RTN1: variants seen among roughly 807,000 people sequenced by gnomAD.
RTN1 encodes reticulon-1.
RTN1 carries 25 observed loss-of-function variants against 65.5 expected under a neutral mutation model. The observed-to-expected ratio is 0.38, with a 90% CI of 0.28 to 0.53. RTN1 has a LOEUF of 0.53. RTN1 is among the 20% of genes least tolerant of loss of function. The pLI is 0.79. For synonymous variants in RTN1, 471 were observed against 447.6 expected, an observed-to-expected ratio of 1.05 and a Z score of -0.66; for missense variants, 983 against 1,025.4, an observed-to-expected ratio of 0.96 and a Z score of 0.57.
intron 3 of RTN1, among the ~76,000 whole-genome samples, chr14:59,647,962 A>C (rs1882935828): frequency 6.6e-6 from 1 of 152,174 alleles, no homozygotes; most frequent in Admixed American, 6.5e-5. Context: ...GAAGGAGATC[A>C]AGACATTAAA....
At chr14:59,736,876 CAT>C (rs34601949) in intron 2 of RTN1, among the ~76,000 whole-genome samples, 60,180 of 151,900 alleles carry the variant, frequency 0.4, 12,228 homozygotes, top group African/African-American at 0.47. Context: ...CAAATCAAAA[CAT>C]GTGATTAATC....
chr14:59,607,657 AT>A (rs1881806098), intron 3 of RTN1, 165 bp from the exon 4 acceptor site: 1 of 630,958 alleles, frequency 1.6e-6, no homozygotes, highest in Non-Finnish European at 2.8e-6. Context: ...ACTTACTGTC[AT>A]TCCACTTTGG....
intron 3 of RTN1, among the ~76,000 whole-genome samples, chr14:59,675,980 T>A (rs961035744): frequency 6.6e-6 from 1 of 152,148 alleles, no homozygotes; most frequent in Non-Finnish European, 1.5e-5. Flanking sequence ...CACTCCCCAT[T>A]TAATGCTGTG....
At chr14:59,807,166 T>C (rs1400678928) in intron 1 of RTN1, among the ~76,000 whole-genome samples, 2 of 152,318 alleles carry the variant, frequency 1.3e-5, no homozygotes, top group East Asian at 3.9e-4. Context: ...ATTAGAGGGC[T>C]TTCTAGGAAG....
At chr14:59,858,727 T>C (rs894490114) in intron 1 of RTN1, among the ~76,000 whole-genome samples, 1 of 152,148 alleles carries the variant, frequency 6.6e-6, no homozygotes, top group Non-Finnish European at 1.5e-5. Flanking sequence ...AGTTTTCCAA[T>C]GAATAATCTT....
At chr14:59,826,766 T>C (rs10137962) in intron 1 of RTN1, among the ~76,000 whole-genome samples, 3,643 of 152,290 alleles carry the variant, frequency 0.024, 116 homozygotes, top group African/African-American at 0.073. Flanking sequence ...CCAGGCTCTA[T>C]ATCAGTCTCT....
chr14:59,676,876 G>A (rs988478515), intron 3 of RTN1, among the ~76,000 whole-genome samples: 1 of 152,182 alleles, frequency 6.6e-6, no homozygotes, highest in Non-Finnish European at 1.5e-5. Flanking sequence ...GAAAAGTGAT[G>A]AGGCTTAGAT....
At position 59,749,117 on chromosome 14, in the gene RTN1, T is replaced by TAG. The variant is rs1278474315; in HGVS notation, c.242-2637_242-2636insCT. ...ATATATATATCTATATATATATATATATATATAGATATATCTATATCTATC... is the reference window on the plus strand; with the variant it reads ...ATATATATATCTATATATATATATATAGATATATAGATATATCTATATCTATC... On this transcript the variant is annotated intron_variant, in intron 1 of 8. Coordinates refer to ENST00000267484, the MANE Select transcript of RTN1 (RefSeq NM_021136.3). Among the ~76,000 whole-genome samples the TAG allele has an allele frequency of 1.3e-4, 6 of 46,726 alleles. 1 individual carries two copies. The highest frequency in any genetic ancestry group is 2.0e-4 in the Non-Finnish European group (6 of 29,478). 30.7% of individuals were successfully genotyped at this position (46,726 alleles called of 152,430 possible).
chr14:59,820,356 GTTTTT>G (rs34274539), intron 1 of RTN1, among the ~76,000 whole-genome samples: 1,997 of 79,326 alleles, frequency 0.025, 42 homozygotes, highest in African/African-American at 0.079. Context: ...CTTATTGATA[GTTTTT>G]TTTTTTTTTT....
intron 3 of RTN1, among the ~76,000 whole-genome samples, chr14:59,646,281 C>T (rs917605687): frequency 6.6e-6 from 1 of 152,042 alleles, no homozygotes; most frequent in Admixed American, 6.5e-5. Context: ...TGAAAAGGAA[C>T]AAATAAAACC....
intron 5 of RTN1, chr14:59,604,437 T>C (rs997820399): frequency 6.5e-6 from 1 of 153,238 alleles, no homozygotes. Context: ...ACCATCTGTC[T>C]CTTTACGGAC....
intron 1 of RTN1, among the ~76,000 whole-genome samples, chr14:59,779,737 G>T (rs1013096653): frequency 8.5e-5 from 13 of 152,066 alleles, no homozygotes; most frequent in African/African-American, 2.7e-4. Flanking sequence ...CTCTTTTAGA[G>T]AACTTACTGC....
At chr14:59,824,246 A>G (rs1009505648) in intron 1 of RTN1, among the ~76,000 whole-genome samples, 34 of 152,342 alleles carry the variant, frequency 2.2e-4, no homozygotes, top group African/African-American at 7.9e-4. Context: ...ATTCTAATAA[A>G]CATAAACTTG....
At chr14:59,684,568 A>T (rs1883807617) in intron 3 of RTN1, among the ~76,000 whole-genome samples, 1 of 152,118 alleles carries the variant, frequency 6.6e-6, no homozygotes, top group Non-Finnish European at 1.5e-5. Context: ...GTAGGCATTA[A>T]GATTCAATAA....
At position 59,616,592 on chromosome 14, in the gene RTN1, T is replaced by G. The variant is rs2140172771; in HGVS notation, c.1766-9100A>C. 1.3e-5 allele frequency among the ~76,000 whole-genome samples: 2 copies of G among 152,330 alleles called. 1 individual carries two copies. The highest frequency in any genetic ancestry group is 4.1e-4 in the South Asian group (2 of 4,830). On this transcript the variant is annotated intron_variant, in intron 3 of 8. Transcript: ENST00000267484. ...AAACTTCTATAATGTTGATACAATT[T>G]AGTGTACATTATTAATAATTATAAT...
intron 3 of RTN1, among the ~76,000 whole-genome samples, chr14:59,670,669 C>T (rs1883483429): frequency 6.6e-6 from 1 of 152,120 alleles, no homozygotes; most frequent in Admixed American, 6.5e-5. Flanking sequence ...TCAGTACCTC[C>T]ATAGCATATA....
chr14:59,815,432 A>G (rs1337276535), intron 1 of RTN1, among the ~76,000 whole-genome samples: 1 of 152,116 alleles, frequency 6.6e-6, no homozygotes, highest in African/African-American at 2.4e-5. Context: ...AATCTCTCCC[A>G]GACTTTAAAA....
At chr14:59,682,105 C>A (rs1342753472) in intron 3 of RTN1, among the ~76,000 whole-genome samples, 1 of 152,194 alleles carries the variant, frequency 6.6e-6, no homozygotes, top group Non-Finnish European at 1.5e-5. Context: ...CCATCTTCAT[C>A]TCCCATGGCT....
intron 1 of RTN1, among the ~76,000 whole-genome samples, chr14:59,791,781 G>A (rs532800234): frequency 4.1e-4 from 63 of 152,218 alleles, no homozygotes; most frequent in African/African-American, 1.5e-3. Context: ...TTTGCTCTGG[G>A]TAATTATAGT....
Sources: gnomAD v4.1 joint callset for allele counts (sites outside exome capture counted in the v4.1 genomes callset) on GRCh38, gnomAD v4.1.1 for gene constraint, MANE v1.5 for transcripts, NCBI Gene and HGNC (gene_info 2026-07-23, HGNC 2026-07-21) for gene names.